Variants in PRKRIP1 observed in about 807,000 individuals in gnomAD.
PRKRIP1 encodes PRKR-interacting protein 1.
PRKRIP1 carries 29 observed loss-of-function variants against 29.3 expected under a neutral mutation model. The observed-to-expected ratio is 0.99, with a 90% CI of 0.74 to 1.35. The LOEUF is 1.35. Ranked by LOEUF, PRKRIP1 falls within the 40% of genes most tolerant of loss-of-function variation. The pLI is 0.00. For missense variants in PRKRIP1, 247 were observed against 236.8 expected, an observed-to-expected ratio of 1.04 and a Z score of -0.28; for synonymous variants, 90 against 85.1, an observed-to-expected ratio of 1.06 and a Z score of -0.32.
At chr7:102,399,727 G>T (rs1796013985) in intron 3 of PRKRIP1, 79 bp downstream of exon 3, 2 of 1,177,264 alleles carry the variant, frequency 1.7e-6, no homozygotes, top group Non-Finnish European at 2.5e-6. Context: ...AGCATTTGAA[G>T]AGGCTGGGCG....
intron 3 of PRKRIP1, among the ~76,000 whole-genome samples, chr7:102,401,436 A>G (rs1261833710): frequency 6.6e-6 from 1 of 152,170 alleles, no homozygotes; most frequent in Non-Finnish European, 1.5e-5. Flanking sequence ...GAGTTAGAAA[A>G]AATTCTGCTT....
At chr7:102,423,543 ATCT>A (rs1554574095) in intron 5 of PRKRIP1, 4 of 216,756 alleles carry the variant, frequency 1.8e-5, no homozygotes, top group South Asian at 1.1e-4. Flanking sequence ...TGGGTCTTTT[ATCT>A]TCTTCATCTG....
chr7:102,404,773 C>A, intron 4 of PRKRIP1, 90 bp downstream of exon 4: 3 of 936,190 alleles, frequency 3.2e-6, no homozygotes, highest in Non-Finnish European at 5.1e-6. Context: ...AGTTCCTCTG[C>A]ATGACCTGTA....
Position 102,425,489 on chromosome 7 carries a change from CTG to C in PRKRIP1, c.*379_*380del. 3.3e-6 allele frequency: 1 copy of C among 304,000 alleles called. No homozygotes were observed. Among genetic ancestry groups the C allele is most frequent in the Admixed American group, 5.2e-5 (1 of 19,258 alleles). 18.8% of individuals were successfully genotyped at this position (304,000 alleles called of 1,614,324 possible). A position where few individuals can be genotyped will look rare whatever the true frequency, so the allele number is the denominator to read the frequency against. ...ATGTGGACCGTGAGTCGCAAACACTCTGGAGAAGGCTGAGATGCCACCATTCC... is the reference window on the plus strand; with the variant it reads ...ATGTGGACCGTGAGTCGCAAACACTCGAGAAGGCTGAGATGCCACCATTCC... On this transcript the variant is annotated 3_prime_UTR_variant, in exon 6 of 6. Transcript: ENST00000397912.
intron 2 of PRKRIP1, 62 bp downstream of exon 2, chr7:102,397,760 T>C (rs1795952381): frequency 6.6e-7 from 1 of 1,517,788 alleles, no homozygotes; most frequent in Non-Finnish European, 9.1e-7. Flanking sequence ...TTAAGGTAGC[T>C]ATAGGCTGGG....
At chr7:102,412,201 C>T (rs1427811150) in intron 5 of PRKRIP1, among the ~76,000 whole-genome samples, 2 of 152,172 alleles carry the variant, frequency 1.3e-5, no homozygotes, top group Non-Finnish European at 2.9e-5. Context: ...GTTAATACCC[C>T]ATGATTGTAC....
At chr7:102,409,449 G>A (rs1015139298) in intron 5 of PRKRIP1, among the ~76,000 whole-genome samples, 1 of 152,054 alleles carries the variant, frequency 6.6e-6, no homozygotes, top group Admixed American at 6.6e-5. Context: ...ATCTGTTAAG[G>A]GGTTATTGTA....
intron 4 of PRKRIP1, among the ~76,000 whole-genome samples, chr7:102,406,281 T>C (rs528707075): frequency 1.2e-3 from 183 of 152,312 alleles, no homozygotes; most frequent in African/African-American, 4.2e-3. Context: ...TGACCTTTTT[T>C]GGTGCGAGTT....
intron 5 of PRKRIP1, among the ~76,000 whole-genome samples, chr7:102,420,159 T>C (rs1310259306): frequency 6.6e-6 from 1 of 152,156 alleles, no homozygotes; most frequent in Non-Finnish European, 1.5e-5. Flanking sequence ...GTGCTGGGAT[T>C]ACAGGCATGA....
Position 102,417,716 on chromosome 7 carries a change from C to G in PRKRIP1, c.458-7298C>G, listed in dbSNP as rs531692802. Among the ~76,000 whole-genome samples, 26 of 149,884 alleles carry G rather than the reference C, an allele frequency of 1.7e-4. 1 individual carries two copies. In the South Asian group the frequency reaches 5.5e-3, roughly 32 times the overall value. On this transcript the variant is annotated intron_variant, in intron 5 of 5. Coordinates refer to ENST00000397912, the MANE Select transcript of PRKRIP1 (RefSeq NM_024653.4). ...TCACTGCATCCTCAAACTCCGGGCT[C>G]AAACAATCCTCTCGCCTCAGCTTCC...
chr7:102,399,499 G>C (rs782697816), intron 2 of PRKRIP1, 49 bp from the exon 3 acceptor site: 8 of 1,472,374 alleles, frequency 5.4e-6, no homozygotes, highest in South Asian at 2.3e-5. Context: ...AGGGTGACCT[G>C]TGTTGGTAAC....
intron 5 of PRKRIP1, among the ~76,000 whole-genome samples, chr7:102,413,141 G>A (rs1320290438): frequency 6.6e-6 from 1 of 152,162 alleles, no homozygotes; most frequent in East Asian, 1.9e-4. Flanking sequence ...AGGGTGTCTC[G>A]TGGCATCCTA....
chr7:102,420,042 C>T (rs1410657835), intron 5 of PRKRIP1, among the ~76,000 whole-genome samples: 5 of 152,118 alleles, frequency 3.3e-5, no homozygotes, highest in African/African-American at 4.8e-5. Context: ...TCTGCCACCA[C>T]GCCTGGCTAA....
intron 5 of PRKRIP1, among the ~76,000 whole-genome samples, chr7:102,413,254 G>T (rs1554572711): frequency 6.6e-6 from 1 of 152,178 alleles, no homozygotes. Context: ...GAGGAGGACG[G>T]AATTGTTCCT....
rs999901115 is a variant in PRKRIP1, at chr7:102,415,418, T to A, written c.457+7920T>A. On this transcript the variant is annotated intron_variant, in intron 5 of 5. Transcript: ENST00000397912. ...CACCAGCTAATTTTTGTATTTTTAGTAGAGATGGGGTTTCGCCATGTTGGC... is the reference window on the plus strand; with the variant it reads ...CACCAGCTAATTTTTGTATTTTTAGAAGAGATGGGGTTTCGCCATGTTGGC... Among the ~76,000 whole-genome samples the A allele has an allele frequency of 7.2e-5, 11 of 152,182 alleles. No homozygotes were observed. The East Asian group carries it at 1.9e-3, about 27-fold the overall frequency.
rs114770485 is a variant in PRKRIP1, at chr7:102,406,467, C to T, written c.393-967C>T. Among the ~76,000 whole-genome samples, 579 of 152,080 alleles carry T rather than the reference C, an allele frequency of 3.8e-3. 6 individuals are homozygous for T. The highest frequency in any genetic ancestry group is 0.013 in the African/African-American group (558 of 41,512). On this transcript the variant is annotated intron_variant, in intron 4 of 5. Coordinates refer to ENST00000397912, the MANE Select transcript of PRKRIP1 (RefSeq NM_024653.4). ...TCAAAATAATGATTTTTTTGATTTT[C>T]GCTCAGCTCATGAGGCACCCACTTA...
chr7:102,399,785 G>A lies in PRKRIP1; in HGVS notation c.306+137G>A, dbSNP rs201802774. On this transcript the variant is annotated intron_variant, in intron 3 of 5. Transcript: ENST00000397912. ...CAGCACTTTGGAAGGCCGAGGCAGG[G>A]GATCACCTGAGGTCGGGAGTTTGAG... The A allele has an allele frequency of 2.1e-4, 130 of 627,218 alleles. 1 individual carries two copies. The East Asian group carries it at 3.1e-3, about 15-fold the overall frequency. 38.9% of individuals were successfully genotyped at this position (627,218 alleles called of 1,614,324 possible).
At chr7:102,414,054 C>G (rs1554572797) in intron 5 of PRKRIP1, among the ~76,000 whole-genome samples, 2 of 152,064 alleles carry the variant, frequency 1.3e-5, no homozygotes, top group African/African-American at 4.8e-5. Context: ...ATGGTGAAAC[C>G]CTGTCTCTAC....
chr7:102,419,779 T>TC (rs1796642231), intron 5 of PRKRIP1, among the ~76,000 whole-genome samples: 1 of 152,202 alleles, frequency 6.6e-6, no homozygotes, highest in Non-Finnish European at 1.5e-5. Flanking sequence ...CCTGGTTGTA[T>TC]CCAAGTTTTG....
Sources: gnomAD v4.1 joint callset for allele counts (sites outside exome capture counted in the v4.1 genomes callset) on GRCh38, gnomAD v4.1.1 for gene constraint, MANE v1.5 for transcripts, NCBI Gene and HGNC (gene_info 2026-07-23, HGNC 2026-07-21) for gene names.